Variants in TSC2 observed in about 807,000 individuals in gnomAD.
TSC2 encodes the protein TSC complex subunit 2, also known as tuberin.
Under a neutral mutation model 202.2 loss-of-function variants are expected in TSC2, and 29 were observed. That is an observed-to-expected ratio of 0.14 (90% confidence interval 0.11 to 0.20). The LOEUF (loss-of-function observed/expected upper bound fraction) is 0.20, where lower values mean the gene tolerates loss of function less well. Among genes scored for constraint, TSC2 ranks in the 10% least tolerant of loss-of-function variants. TSC2 has a pLI of 1.00. For synonymous variants in TSC2, 1,349 were observed against 1,044.0 expected (o/e 1.29, Z -5.63); for missense variants, 2,429 against 2,420.0 (o/e 1.00, Z -0.08).
chr16:2,056,954 C>A, intron 8 of TSC2, 151 bp from the exon 9 acceptor site: 3 of 1,364,112 alleles, frequency 2.2e-6, no homozygotes, highest in Non-Finnish European at 3.1e-6. Flanking sequence ...ATTTTGAGAA[C>A]CCTGCTGCCT....
rs1227423456 is a variant in TSC2, at chr16:2,071,981, G to C, written c.2097+47G>C. 5.9e-6 allele frequency: 9 copies of C among 1,531,388 alleles called. No individual in the cohort carries two copies. The African/African-American group carries it at 1.2e-4, about 21-fold the overall frequency. The allele number at this position is 1,531,388 out of a possible 1,614,324, so 94.9% of individuals were successfully genotyped here. A position where few individuals can be genotyped will look rare whatever the true frequency, so the allele number is the denominator to read the frequency against. ...CCATCCGTCCCACGTTGGGCCAGGA[G>C]GACAGGGAGCTGCCACCTGCCTGCT... On this transcript the variant is annotated intron_variant, in intron 19 of 41. Transcript: ENST00000219476.
rs2151303173 is a variant in TSC2, at chr16:2,071,771, C to G, written c.1947-13C>G. The G allele has an allele frequency of 6.2e-7, 1 of 1,604,446 alleles. No homozygotes were observed. Among genetic ancestry groups the G allele is most frequent in the Non-Finnish European group, 8.5e-7 (1 of 1,176,226 alleles). ...CGGGGACTTGGCCTCAGCTGCTTCT[C>G]TTGCTTCTGCAGGGAGCCAGAGAGA... On this transcript the variant is annotated splice_polypyrimidine_tract_variant and intron_variant, in intron 18 of 41. Transcript: ENST00000219476.
Position 2,077,746 on chromosome 16 carries a change from G to T in TSC2, c.2966+20G>T, listed in dbSNP as rs778545519. ...CCGCAGGTAGCGGGACTGTCGGGTG[G>T]GGGGCACGGACCCTGGAGCTTGGCC... On this transcript the variant is annotated intron_variant, in intron 26 of 41. Coordinates refer to ENST00000219476, the MANE Select transcript of TSC2 (RefSeq NM_000548.5). 19 of 1,610,756 alleles carry T rather than the reference G, an allele frequency of 1.2e-5. No individual in the cohort carries two copies. Among genetic ancestry groups the T allele is most frequent in the Admixed American group, 1.7e-5 (1 of 60,008 alleles).
In TSC2 at chr16:2,071,851, C is replaced by T. The variant is rs1262368552; in HGVS notation, c.2014C>T (p.Pro672Ser). The change falls in exon 19 of 42, where the codon CCG (proline) becomes TCG (serine). Residue 672 changes from proline (P) to serine (S), a missense_variant. By Grantham distance (74) the Pro-to-Ser change is moderately conservative (BLOSUM62 -1). Coordinates refer to ENST00000219476, the MANE Select transcript of TSC2 (RefSeq NM_000548.5). Reference protein sequence around the residue: ...PLSPPTGPPGPAPAGPAVRLG... With the variant: ...PLSPPTGPPGSAPAGPAVRLG... ...TTCTCCTCCCACAGGGCCTCCTGGC[C>T]CGGCGCCTGCAGGCCCCGCCGTGCG... The T allele has an allele frequency of 6.4e-7, 1 of 1,574,210 alleles. No individual in the cohort carries two copies. The highest frequency in any genetic ancestry group is 8.6e-7 in the Non-Finnish European group (1 of 1,160,718).
chr16:2,068,513 AT>A (rs1262925538), intron 16 of TSC2: 4 of 152,212 alleles, frequency 2.6e-5, no homozygotes, highest in East Asian at 1.9e-4. Context: ...CAGACAGTCT[AT>A]TAATGTACAG....
At position 2,069,401 on chromosome 16, in the gene TSC2, C is replaced by G. The variant is rs1481218870; in HGVS notation, c.1717-1055C>G. Among the ~76,000 whole-genome samples the G allele has an allele frequency of 2.0e-5, 3 of 152,198 alleles. 1 individual carries two copies. The highest frequency in any genetic ancestry group is 4.1e-4 in the South Asian group (2 of 4,832). Reference sequence around the variant, plus strand: ...GCGCAATCTTGGTTCACTGCAACCTCCGCCTCCTGGGTTCAAGCGATTCTC... The same window carrying G: ...GCGCAATCTTGGTTCACTGCAACCTGCGCCTCCTGGGTTCAAGCGATTCTC... On this transcript the variant is annotated intron_variant, in intron 16 of 41. Coordinates refer to ENST00000219476, the MANE Select transcript of TSC2 (RefSeq NM_000548.5).
chr16:2,081,434 G>C, intron 30 of TSC2, 161 bp from the exon 31 acceptor site: 1 of 916,470 alleles, frequency 1.1e-6, no homozygotes, highest in Non-Finnish European at 1.7e-6. Flanking sequence ...CAGCAGGGTG[G>C]GTGGCCGTCA....
chr16:2,058,998 G>A, intron 10 of TSC2, 125 bp downstream of exon 10: 1 of 1,460,174 alleles, frequency 6.8e-7, no homozygotes, highest in Non-Finnish European at 9.3e-7. Flanking sequence ...TTTCCAGGCA[G>A]TTGCTTTGCA....
intron 16 of TSC2, 91 bp from the exon 17 acceptor site, chr16:2,070,365 C>T (rs988505091): frequency 6.2e-7 from 1 of 1,605,208 alleles, no homozygotes; most frequent in Admixed American, 1.7e-5. Context: ...TCTAGAGCAG[C>T]CGCCCCGGCC....
chr16:2,085,502 C>G (rs1431554222), intron 36 of TSC2, among the ~76,000 whole-genome samples, 180 bp downstream of exon 36: 1 of 152,164 alleles, frequency 6.6e-6, no homozygotes, highest in Admixed American at 6.5e-5. Flanking sequence ...GACCCCGGTG[C>G]GAGTGACAGG....
At chr16:2,055,170 C>G in intron 5 of TSC2, 2 of 613,584 alleles carry the variant, frequency 3.3e-6, no homozygotes, top group Non-Finnish European at 5.9e-6. Flanking sequence ...GGCACAGACC[C>G]TCTGTGCAGC....
At chr16:2,084,789 C>T (rs1369390996) in intron 34 of TSC2, 74 bp downstream of exon 34, 15 of 1,598,452 alleles carry the variant, frequency 9.4e-6, no homozygotes, top group South Asian at 2.2e-5. Context: ...TGCCCCAGGC[C>T]GAGCGGGCTG....
chr16:2,078,222 C>A (rs1253368468), intron 26 of TSC2: 2 of 190,456 alleles, frequency 1.1e-5, no homozygotes, highest in African/African-American at 4.7e-5. Context: ...GGCCTGGGCC[C>A]CAGGCCATGG....
intron 36 of TSC2, among the ~76,000 whole-genome samples, chr16:2,085,868 G>T (rs1048981657): frequency 6.6e-6 from 1 of 152,218 alleles, no homozygotes; most frequent in African/African-American, 2.4e-5. Context: ...CTCCTGCTGT[G>T]TGGCTCGAGG....
At position 2,088,735 on chromosome 16, in the gene TSC2, T is replaced by C. The variant is rs943576288; in HGVS notation, c.*125T>C. 7.4e-6 allele frequency: 10 copies of C among 1,342,340 alleles called. No homozygotes were observed. The African/African-American group carries it at 1.2e-4, about 16-fold the overall frequency. The allele number at this position is 1,342,340 out of a possible 1,614,324, so 83.2% of individuals were successfully genotyped here. On this transcript the variant is annotated 3_prime_UTR_variant, in exon 42 of 42. Transcript: ENST00000219476. Reference sequence around the variant, plus strand: ...GCAGTCAGACAGCTCTTTTATTGACTTTGTCTGCTTGGTGCGGGGGTTGGG... The same window carrying C: ...GCAGTCAGACAGCTCTTTTATTGACCTTGTCTGCTTGGTGCGGGGGTTGGG...
rs45517272 is a variant in TSC2, at chr16:2,077,594, A to G, written c.2838-4A>G. On this transcript the variant is annotated splice_region_variant and splice_polypyrimidine_tract_variant and intron_variant, in intron 25 of 41. Transcript: ENST00000219476. ...GGCGTTGGGGCTCCTTCCTCACCCG[A>G]TAGTCTGAGGATAGCCAGACCCCCC... The G allele has an allele frequency of 1.2e-3, 1,980 of 1,612,712 alleles. 4 individuals carry two copies. Among genetic ancestry groups the G allele is most frequent in the Middle Eastern group, 1.5e-3 (9 of 6,020 alleles).
rs911600402 is a variant in TSC2 at position 2,060,688 on chromosome 16, G to C, written c.994G>C (p.Glu332Gln). 3 of 1,614,102 alleles carry C rather than the reference G, an allele frequency of 1.9e-6. No homozygotes were observed. The highest frequency in any genetic ancestry group is 4.5e-5 in the East Asian group (2 of 44,888). ...SFYQAMACPN[E>Q]VVSYEIVLSI... ...GTTCCAGGCCATGGCATGTCCGAAC[G>C]AGGTGGTGTCCTATGAGATCGTCCT... is the stretch of plus-strand genomic sequence containing the variant. Residue 332 changes from glutamate (E) to glutamine (Q), a missense_variant, in exon 11 of 42, where the codon GAG becomes CAG. Transcript: ENST00000219476.
In TSC2 at chr16:2,056,261, C is replaced by A. The variant is rs755431618; in HGVS notation, c.648+17C>A. Reference sequence around the variant, plus strand: ...GACATAGAGGTCAGTGCCTCCCCTCCCCAGGGCCGGCCCATTTCACCCTGG... The same window carrying A: ...GACATAGAGGTCAGTGCCTCCCCTCACCAGGGCCGGCCCATTTCACCCTGG... On this transcript the variant is annotated intron_variant, in intron 7 of 41. Coordinates refer to ENST00000219476, the MANE Select transcript of TSC2 (RefSeq NM_000548.5). 2 of 1,613,818 alleles carry A rather than the reference C, an allele frequency of 1.2e-6. No individual in the cohort carries two copies. The highest frequency in any genetic ancestry group is 2.7e-5 in the African/African-American group (2 of 74,950).
chr16:2,050,520 C>T (rs2084973950), intron 3 of TSC2, 34 bp downstream of exon 3: 1 of 1,585,080 alleles, frequency 6.3e-7, no homozygotes, highest in Non-Finnish European at 8.7e-7. Context: ...TAGAGAGAGG[C>T]ACGTAGACTA....
Sources: gnomAD v4.1 joint callset for allele counts (sites outside exome capture counted in the v4.1 genomes callset) on GRCh38, gnomAD v4.1.1 for gene constraint, MANE v1.5 for transcripts, NCBI Gene and HGNC (gene_info 2026-07-23, HGNC 2026-07-21) for gene names.